ATAD5: variants seen among roughly 807,000 people sequenced by gnomAD.
ATAD5 encodes ATPase family AAA domain-containing protein 5.
A neutral mutation model predicts 176.9 loss-of-function variants in ATAD5; 58 were observed. The ratio of observed to expected loss-of-function variants is 0.33; its 90% CI spans 0.27 to 0.41. ATAD5 has a LOEUF of 0.41. Among genes scored for constraint, ATAD5 ranks in the 10% least tolerant of loss-of-function variants. The probability of loss-of-function intolerance (pLI) is 1.00; values close to 1 mark genes in which losing one functional copy is unlikely to be tolerated. For synonymous variants in ATAD5, 640 were observed against 712.6 expected (o/e 0.90, Z 1.62); for missense variants, 1,789 against 2,094.1 (o/e 0.85, Z 2.84).
At chr17:30,892,212 G>C (rs1003991726) in intron 19 of ATAD5, among the ~76,000 whole-genome samples, 1 of 151,528 alleles carries the variant, frequency 6.6e-6, no homozygotes, top group Admixed American at 6.6e-5. Context: ...ATCACTCGAG[G>C]TCAAGAGTTC....
At chr17:30,876,918 T>A (rs1908717541) in intron 15 of ATAD5, among the ~76,000 whole-genome samples, 1 of 151,802 alleles carries the variant, frequency 6.6e-6, no homozygotes, top group Non-Finnish European at 1.5e-5. Flanking sequence ...GGTTTTGCCA[T>A]ATTGTTCAGA....
In ATAD5 at chr17:30,894,860, C is replaced by A. The variant is rs1438673068; in HGVS notation, c.5482C>A (p.His1828Asn). The A allele has an allele frequency of 6.3e-7, 1 of 1,594,782 alleles. No homozygotes were observed. The highest frequency in any genetic ancestry group is 8.5e-7 in the Non-Finnish European group (1 of 1,174,792). The part of the protein sequence containing the change: ...RRFLHYFEGI[H>N]LDIPKETVNT... ...ATTCCTGCACTATTTTGAAGGAATT[C>A]ATCTTGACATTCCAAAAGAGACTGT... The change falls in exon 23 of 23, where the codon CAT becomes AAT. Residue 1828 changes from histidine (H) to asparagine (N), a missense_variant. By Grantham distance (68) the His-to-Asn change is moderately conservative. This residue lies in a region of ATAD5 where 403 missense variants were observed against 495.1 expected (regional missense o/e 0.81). Transcript: ENST00000321990.
At chr17:30,878,718 G>GTTTTTTGTTTTTT (rs1908814220) in intron 17 of ATAD5, among the ~76,000 whole-genome samples, 1 of 56,838 alleles carries the variant, frequency 1.8e-5, no homozygotes, top group African/African-American at 6.6e-5. Context: ...GTTAGGTGGT[G>GTTTTTTGTTTTTT]TTTTTTTTTT....
Position 30,869,294 on chromosome 17 carries a change from A to C in ATAD5, c.3360A>C (p.Glu1120Asp), listed in dbSNP as rs376519309. The stretch of plus-strand genomic sequence containing the variant: ...TTAAAGGCAGTTCAGATGATGAAGA[A>C]GAGAGTCGTCTTTGCAATACTGTCC... ...IDFKGSSDDE[E>D]ESRLCNTVLI... The change falls in exon 13 of 23, where the codon GAA becomes GAC. Residue 1120 changes from glutamate (E) to aspartate (D), a missense_variant. Glu to Asp is a conservative substitution (Grantham distance 45). Around this residue, in one of 6 missense-constraint regions of ATAD5, gnomAD observed 487 missense variants for 573.6 expected, o/e 0.85. Transcript: ENST00000321990. The C allele has an allele frequency of 1.2e-6, 2 of 1,613,850 alleles. No individual in the cohort carries two copies. The highest frequency in any genetic ancestry group is 1.7e-6 in the Non-Finnish European group (2 of 1,179,968).
At chr17:30,894,762 T>TCAAG in intron 22 of ATAD5, 40 bp downstream of exon 22, 1 of 1,565,598 alleles carries the variant, frequency 6.4e-7, no homozygotes, top group Non-Finnish European at 8.6e-7. Context: ...GATAGCTTTT[T>TCAAG]CAAGATTAAT....
At chr17:30,851,852 G>A (rs1013488505) in intron 6 of ATAD5, among the ~76,000 whole-genome samples, 1 of 152,122 alleles carries the variant, frequency 6.6e-6, no homozygotes, top group Admixed American at 6.5e-5. Flanking sequence ...AAAGTGCTGG[G>A]ATTACAGGCA....
intron 11 of ATAD5, 141 bp from the exon 12 acceptor site, chr17:30,868,192 C>T: frequency 5.3e-6 from 3 of 562,952 alleles, no homozygotes; most frequent in Non-Finnish European, 8.4e-6. Flanking sequence ...GTAAAAATAA[C>T]AAGAAAGCCT....
intron 5 of ATAD5, among the ~76,000 whole-genome samples, chr17:30,844,353 G>A (rs1567680701): frequency 1.3e-5 from 2 of 151,858 alleles, no homozygotes; most frequent in African/African-American, 2.4e-5. Context: ...GGCTGGTCTC[G>A]AACTCCTGAC....
chr17:30,855,339 T>G lies in ATAD5; in HGVS notation c.2635+12T>G. On this transcript the variant is annotated intron_variant, in intron 7 of 22. Transcript: ENST00000321990. ...ACAAAAGGATGATGGTAAGTTTGTT[T>G]TTTATTATTGAATATTTACTCTTCA... is the stretch of plus-strand genomic sequence containing the variant. 6 of 1,571,256 alleles carry G rather than the reference T, an allele frequency of 3.8e-6. No individual in the cohort carries two copies. Among genetic ancestry groups the G allele is most frequent in the Non-Finnish European group, 4.3e-6 (5 of 1,161,382 alleles).
rs1421164706 is a variant in ATAD5, at chr17:30,832,335, G to A, written c.-13G>A. On this transcript the variant is annotated 5_prime_UTR_variant, in exon 1 of 23. Coordinates refer to ENST00000321990, the MANE Select transcript of ATAD5 (RefSeq NM_024857.5). ...TGAGGTCCTAGGAGACGGGATTCCG[G>A]GAAGCGGGGAGTATGGTGGGGGTCC... is the stretch of plus-strand genomic sequence containing the variant. The A allele has an allele frequency of 3.9e-6, 6 of 1,543,796 alleles. No homozygotes were observed. The highest frequency in any genetic ancestry group is 2.5e-5 in the East Asian group (1 of 39,518).
Position 30,878,028 on chromosome 17 carries a change from C to T in ATAD5, c.3944C>T (p.Ala1315Val). ...GTTGATGTAATTTTTGATGAAGATGCTGGGTTTTTGAATGCAATCAAAACA... is the reference window on the plus strand; with the variant it reads ...GTTGATGTAATTTTTGATGAAGATGTTGGGTTTTTGAATGCAATCAAAACA... ...EEVDVIFDED[A>V]GFLNAIKTFM... Residue 1315 changes from alanine (A) to valine (V), a missense_variant, in exon 17 of 23, where the codon GCT becomes GTT. This residue lies in a region of ATAD5 where 194 missense variants were observed against 270.1 expected (regional missense o/e 0.72). Coordinates refer to ENST00000321990, the MANE Select transcript of ATAD5 (RefSeq NM_024857.5). The T allele has an allele frequency of 6.2e-7, 1 of 1,610,776 alleles. No homozygotes were observed. Among genetic ancestry groups the T allele is most frequent in the Non-Finnish European group, 8.5e-7 (1 of 1,178,124 alleles).
At chr17:30,846,594 G>A (rs976508797) in intron 6 of ATAD5, among the ~76,000 whole-genome samples, 1 of 151,674 alleles carries the variant, frequency 6.6e-6, no homozygotes, top group Non-Finnish European at 1.5e-5. Flanking sequence ...GTAGAGATGG[G>A]GTTTCACCAT....
intron 6 of ATAD5, among the ~76,000 whole-genome samples, chr17:30,847,104 GTCT>G (rs1457498892): frequency 6.6e-6 from 1 of 152,030 alleles, no homozygotes; most frequent in Admixed American, 6.6e-5. Context: ...TCAAAAAAAA[GTCT>G]TCTTGTGCCT....
rs751667550 is a variant in ATAD5 at position 30,834,309 on chromosome 17, A to C, written c.228A>C (p.Thr76=). ...FRKTSPTNEK[T]QLGKECKIKS... ...AGACTTCACCCACAAATGAGAAGACACAATTAGGGAAAGAGTGCAAGATAA... is the reference window on the plus strand; with the variant it reads ...AGACTTCACCCACAAATGAGAAGACCCAATTAGGGAAAGAGTGCAAGATAA... Residue 76 remains threonine (T), a synonymous_variant, in exon 2 of 23, where the codon ACA becomes ACC. Transcript: ENST00000321990. 2 of 1,613,508 alleles carry C rather than the reference A, an allele frequency of 1.2e-6. No individual in the cohort carries two copies. Among genetic ancestry groups the C allele is most frequent in the African/African-American group, 2.7e-5 (2 of 74,912 alleles).
intron 5 of ATAD5, among the ~76,000 whole-genome samples, chr17:30,844,249 A>G (rs1261851543): frequency 1.3e-5 from 2 of 152,106 alleles, no homozygotes; most frequent in Non-Finnish European, 2.9e-5. Flanking sequence ...CTCCTGCCTC[A>G]GCCTCCTGAG....
intron 1 of ATAD5, among the ~76,000 whole-genome samples, chr17:30,832,873 TAAAG>T (rs1905467229): frequency 1.3e-5 from 2 of 152,212 alleles, no homozygotes; most frequent in South Asian, 4.1e-4. Flanking sequence ...GCAAGGTACT[TAAAG>T]AAAACAGTTT....
Position 30,834,207 on chromosome 17 carries a change from T to C in ATAD5, c.126T>C (p.Tyr42=), listed in dbSNP as rs779194437. The change falls in exon 2 of 23, where the codon TAT becomes TAC. Residue 42 remains tyrosine, a synonymous_variant. Coordinates refer to ENST00000321990, the MANE Select transcript of ATAD5 (RefSeq NM_024857.5). ...DTSTCKTITK[Y]LSPLGKTRDR... Reference sequence around the variant, plus strand: ...CTACCTGCAAAACAATTACAAAATATTTATCACCACTAGGGAAGACTAGAG... The same window carrying C: ...CTACCTGCAAAACAATTACAAAATACTTATCACCACTAGGGAAGACTAGAG... 1.3e-6 allele frequency: 2 copies of C among 1,594,958 alleles called. No homozygotes were observed. The highest frequency in any genetic ancestry group is 1.8e-5 in the Admixed American group (1 of 54,280).
chr17:30,874,713 C>G (rs1185539079), intron 14 of ATAD5, among the ~76,000 whole-genome samples: 1 of 150,908 alleles, frequency 6.6e-6, no homozygotes, highest in African/African-American at 2.4e-5. Context: ...TCACTGCAAC[C>G]TCCACCTCCC....
intron 6 of ATAD5, among the ~76,000 whole-genome samples, chr17:30,848,721 G>A (rs1204878601): frequency 2.0e-5 from 3 of 152,050 alleles, no homozygotes. Flanking sequence ...GCAAACGCTA[G>A]TCTCTTTTCT....
Sources: allele counts gnomAD v4.1 joint callset (sites outside exome capture counted in the v4.1 genomes callset), GRCh38; gene constraint gnomAD v4.1.1; regional missense constraint gnomAD v4.1.1; transcripts MANE v1.5; gene names NCBI Gene and HGNC (gene_info 2026-07-23, HGNC 2026-07-21).